The following ARHGEF28 variants were observed in gnomAD, a reference collection of about 807,000 sequenced individuals.
The protein encoded by ARHGEF28 is Rho guanine nucleotide exchange factor 28.
ARHGEF28 carries 152 observed loss-of-function variants against 206.6 expected under a neutral mutation model. The observed-to-expected ratio is 0.74, with a 90% CI of 0.64 to 0.84. The LOEUF (loss-of-function observed/expected upper bound fraction) is 0.84, where lower values mean the gene tolerates loss of function less well. ARHGEF28 is among the 40% of genes least tolerant of loss of function. The pLI is 0.00. For synonymous variants in ARHGEF28, 763 were observed against 776.4 expected, an observed-to-expected ratio of 0.98 and a Z score of 0.29; for missense variants, 2,028 against 2,073.2, an observed-to-expected ratio of 0.98 and a Z score of 0.42.
At chr5:73,720,043 G>T (rs928105887) in intron 2 of ARHGEF28, among the ~76,000 whole-genome samples, 1 of 152,232 alleles carries the variant, frequency 6.6e-6, no homozygotes, top group African/African-American at 2.4e-5. Flanking sequence ...GCTTGTTGCC[G>T]CAGAGGCGAA....
At chr5:73,924,519 A>C (rs760311454) in intron 35 of ARHGEF28, among the ~76,000 whole-genome samples, 2 of 152,170 alleles carry the variant, frequency 1.3e-5, no homozygotes, top group Non-Finnish European at 2.9e-5. Flanking sequence ...TGTTACTATT[A>C]TATCTTGTGG....
intron 2 of ARHGEF28, among the ~76,000 whole-genome samples, chr5:73,699,831 A>G (rs983645988): frequency 3.3e-5 from 5 of 152,210 alleles, no homozygotes; most frequent in African/African-American, 9.6e-5. Context: ...TTTTCAGCAG[A>G]TTATCTAATA....
chr5:73,763,148 C>CT (rs1361268863), intron 4 of ARHGEF28, among the ~76,000 whole-genome samples: 1 of 152,110 alleles, frequency 6.6e-6, no homozygotes, highest in African/African-American at 2.4e-5. Flanking sequence ...TCCTGGTTGA[C>CT]TTTTTTCCAA....
At chr5:73,822,132 C>T (rs1756634923) in intron 9 of ARHGEF28, among the ~76,000 whole-genome samples, 1 of 152,130 alleles carries the variant, frequency 6.6e-6, no homozygotes, top group African/African-American at 2.4e-5. Flanking sequence ...CCAAAGTGTA[C>T]TTGTTATTTA....
intron 11 of ARHGEF28, among the ~76,000 whole-genome samples, chr5:73,843,618 A>G (rs1758123513): frequency 6.6e-6 from 1 of 152,216 alleles, no homozygotes; most frequent in Admixed American, 6.5e-5. Flanking sequence ...TGGAGTTAAT[A>G]TAAGGACATA....
At chr5:73,902,092 A>C (rs1436975596) in intron 31 of ARHGEF28, 1 of 152,192 alleles carries the variant, frequency 6.6e-6, no homozygotes, top group Non-Finnish European at 1.5e-5. Flanking sequence ...AGATCTTCTC[A>C]CATATACAAC....
chr5:73,794,268 A>T, intron 7 of ARHGEF28, 134 bp from the exon 8 acceptor site: 2 of 644,204 alleles, frequency 3.1e-6, no homozygotes, highest in Non-Finnish European at 2.7e-6. Context: ...GCTGATTTTT[A>T]AGAGGCCTAA....
intron 7 of ARHGEF28, among the ~76,000 whole-genome samples, chr5:73,784,959 G>T (rs968171119): frequency 6.6e-6 from 1 of 152,140 alleles, no homozygotes; most frequent in Non-Finnish European, 1.5e-5. Flanking sequence ...AGACTAATGG[G>T]CAGGTAGCAT....
intron 1 of ARHGEF28, among the ~76,000 whole-genome samples, chr5:73,657,319 C>A (rs1745286438): frequency 6.6e-6 from 1 of 152,022 alleles, no homozygotes; most frequent in African/African-American, 2.4e-5. Flanking sequence ...ATATTACTGA[C>A]ATTTTCACTT....
chr5:73,695,679 G>C (rs948623742), intron 2 of ARHGEF28, among the ~76,000 whole-genome samples: 3 of 152,070 alleles, frequency 2.0e-5, no homozygotes, highest in Non-Finnish European at 4.4e-5. Flanking sequence ...CCTCTGTCTT[G>C]ATCAGTCATC....
intron 1 of ARHGEF28, among the ~76,000 whole-genome samples, chr5:73,682,445 T>C (rs1747170377): frequency 6.6e-6 from 1 of 151,800 alleles, no homozygotes; most frequent in Non-Finnish European, 1.5e-5. Context: ...GAGATTGAGT[T>C]TCACTCTTAT....
intron 4 of ARHGEF28, among the ~76,000 whole-genome samples, chr5:73,763,337 A>G (rs563494807): frequency 1.1e-3 from 166 of 152,240 alleles, no homozygotes; most frequent in African/African-American, 3.8e-3. Flanking sequence ...AGAGTGTAAT[A>G]TTTCTAATAT....
intron 11 of ARHGEF28, among the ~76,000 whole-genome samples, chr5:73,842,012 A>C (rs1455014190): frequency 6.6e-6 from 1 of 152,214 alleles, no homozygotes; most frequent in Non-Finnish European, 1.5e-5. Flanking sequence ...TTGAAATGAT[A>C]GTTTCATTGC....
intron 9 of ARHGEF28, among the ~76,000 whole-genome samples, chr5:73,802,665 C>T (rs933203688): frequency 3.9e-5 from 6 of 151,952 alleles, no homozygotes; most frequent in Non-Finnish European, 8.8e-5. Context: ...AACAAATGTA[C>T]AAAACATGAA....
At position 73,873,158 on chromosome 5, in the gene ARHGEF28, A is replaced by G. The variant is rs1298110324; in HGVS notation, c.2726A>G (p.Tyr909Cys). Reference protein sequence around the residue: ...ELLEIHRHFFYSMKERRQESC... With the variant: ...ELLEIHRHFFCSMKERRQESC... Reference sequence around the variant, plus strand: ...CTTGAAATCCACAGGCATTTCTTCTACAGTATGAAGGAACGAAGGCAGGAA... The same window carrying G: ...CTTGAAATCCACAGGCATTTCTTCTGCAGTATGAAGGAACGAAGGCAGGAA... Residue 909 changes from tyrosine (Y) to cysteine (C), a missense_variant, in exon 22 of 36, where the codon TAC (tyrosine) becomes TGC (cysteine). This residue lies in a region of ARHGEF28 where 223 missense variants were observed against 289.9 expected (regional missense o/e 0.77). Coordinates refer to ENST00000513042, the MANE Select transcript of ARHGEF28 (RefSeq NM_001177693.2). The G allele has an allele frequency of 2.5e-6, 4 of 1,612,730 alleles. No homozygotes were observed. Among genetic ancestry groups the G allele is most frequent in the African/African-American group, 2.7e-5 (2 of 74,924 alleles).
At chr5:73,659,719 T>A (rs1580451665) in intron 1 of ARHGEF28, among the ~76,000 whole-genome samples, 1 of 152,192 alleles carries the variant, frequency 6.6e-6, no homozygotes. Context: ...AAAGGAAATA[T>A]TGCAATAAAA....
chr5:73,708,438 C>A (rs550515975), intron 2 of ARHGEF28, among the ~76,000 whole-genome samples: 1 of 152,202 alleles, frequency 6.6e-6, no homozygotes, highest in East Asian at 1.9e-4. Context: ...CCCACTTATA[C>A]TTGGGGACAT....
chr5:73,772,281 G>A (rs1753264624), intron 4 of ARHGEF28, among the ~76,000 whole-genome samples: 1 of 152,134 alleles, frequency 6.6e-6, no homozygotes, highest in Admixed American at 6.5e-5. Flanking sequence ...TGCCTACTAT[G>A]GTATGGGAGA....
At chr5:73,778,675 A>G (rs1195412602) in intron 6 of ARHGEF28, among the ~76,000 whole-genome samples, 1 of 152,136 alleles carries the variant, frequency 6.6e-6, no homozygotes, top group South Asian at 2.1e-4. Flanking sequence ...TTGCCTGACA[A>G]AGGGATTCTA....
Sources: gnomAD v4.1 joint callset for allele counts (sites outside exome capture counted in the v4.1 genomes callset) on GRCh38, gnomAD v4.1.1 for gene constraint, gnomAD v4.1.1 regional missense constraint, MANE v1.5 for transcripts, NCBI Gene and HGNC (gene_info 2026-07-23, HGNC 2026-07-21) for gene names.